Variants in ATAD3B observed in about 807,000 individuals in gnomAD.
ATAD3B encodes the protein ATPase family AAA domain-containing protein 3B.
In ATAD3B, 59 loss-of-function variants were observed where a neutral mutation model predicts 70.2. That is an observed-to-expected ratio of 0.84 (90% CI 0.68 to 1.04). The LOEUF (loss-of-function observed/expected upper bound fraction) is 1.04, where lower values mean the gene tolerates loss of function less well. Ranked by LOEUF, ATAD3B falls within the 50% of genes least tolerant of loss-of-function variation. ATAD3B has a pLI of 0.00. For synonymous variants in ATAD3B, 423 were observed against 388.6 expected, an observed-to-expected ratio of 1.09 and a Z score of -1.04; for missense variants, 961 against 913.4, an observed-to-expected ratio of 1.05 and a Z score of -0.67.
chr1:1,502,503 C>CGGCCTACACTGAT (rs1404815547), downstream of ATAD3B, among the ~76,000 whole-genome samples: 4 of 140,306 alleles, frequency 2.9e-5, no homozygotes, highest in Admixed American at 7.2e-5. Context: ...CCACCGTGCC[C>CGGCCTACACTGAT]AGCATTTTTT....
At chr1:1,506,557 G>A in the ATAD3B span, among the ~76,000 whole-genome samples, 26 of 152,042 alleles carry the variant, frequency 1.7e-4, no homozygotes, top group South Asian at 5.2e-3. Context: ...CACGGCGCCC[G>A]GCCAGTTTTC....
intron 15 of ATAD3B, among the ~76,000 whole-genome samples, chr1:1,491,320 G>C (rs538338440): frequency 1.3e-5 from 2 of 151,976 alleles, no homozygotes; most frequent in Admixed American, 6.6e-5. Context: ...CATATCACGG[G>C]GTCAGATTGA....
chr1:1,505,736 G>T, the ATAD3B span, among the ~76,000 whole-genome samples: 1 of 152,082 alleles, frequency 6.6e-6, no homozygotes, highest in Non-Finnish European at 1.5e-5. Flanking sequence ...CTCCTATCTC[G>T]GTATGGCCTG....
In ATAD3B at chr1:1,489,278, A is replaced by C; in HGVS notation, c.1337+4A>C. 2 of 1,613,454 alleles carry C rather than the reference A, an allele frequency of 1.2e-6. No homozygotes were observed. Among genetic ancestry groups the C allele is most frequent in the Non-Finnish European group, 1.7e-6 (2 of 1,179,622 alleles). On this transcript the variant is annotated splice_donor_region_variant and intron_variant, in intron 13 of 15. Transcript: ENST00000673477. ...ACATGGGCCAACACAGCAACAAGTG[A>C]GGGAGCCCCTCGGGTCCTGAGCCCC...
chr1:1,504,314 G>A, the ATAD3B span, among the ~76,000 whole-genome samples: 147 of 152,064 alleles, frequency 9.7e-4, 1 homozygote, highest in Middle Eastern at 0.014. Context: ...GTTCACAGGC[G>A]GGGTTCACAT....
chr1:1,482,839 A>G (rs1339252947), intron 7 of ATAD3B: 2 of 652,916 alleles, frequency 3.1e-6, no homozygotes, highest in East Asian at 5.8e-5. Flanking sequence ...CCCCATCTCT[A>G]CGAAGAATAA....
chr1:1,478,185 AGG>A (rs1257149026), intron 2 of ATAD3B: 5 of 298,304 alleles, frequency 1.7e-5, no homozygotes, highest in East Asian at 7.0e-5. Flanking sequence ...TTAGTAGAGA[AGG>A]GGGTTCAGCA....
Position 1,482,255 on chromosome 1 carries a change from T to A in ATAD3B, c.632T>A (p.Ile211Asn). ...AATGCAGACATCATCCGCGAGCAGA[T>A]CCGCCTGAAGGCGTCCGAGCACCGT... is the stretch of plus-strand genomic sequence containing the variant. ...RENADIIREQIRLKASEHRQT... is the reference protein window; with the variant it reads ...RENADIIREQNRLKASEHRQT... The change falls in exon 6 of 16, where the codon ATC (isoleucine) becomes AAC (asparagine). Residue 211 changes from isoleucine (I) to asparagine (N), a missense_variant. Physicochemically the swap from Ile to Asn is moderately radical, Grantham distance 149. Coordinates refer to ENST00000673477, the MANE Select transcript of ATAD3B (RefSeq NM_031921.6). 6.2e-7 allele frequency: 1 copy of A among 1,611,456 alleles called. No homozygotes were observed. The highest frequency in any genetic ancestry group is 8.5e-7 in the Non-Finnish European group (1 of 1,179,350).
rs1411573130 is a variant in ATAD3B at position 1,478,915 on chromosome 1, C to T, written c.385-134C>T. 18 of 701,262 alleles carry T rather than the reference C, an allele frequency of 2.6e-5. 1 individual carries two copies. Among genetic ancestry groups the T allele is most frequent in the Non-Finnish European group, 2.9e-5 (13 of 453,232 alleles). 43.4% of individuals were successfully genotyped at this position (701,262 alleles called of 1,614,324 possible). A position where few individuals can be genotyped will look rare whatever the true frequency, so the allele number is the denominator to read the frequency against. On this transcript the variant is annotated intron_variant, in intron 3 of 15. Transcript: ENST00000673477. ...CCTGTAAGGTCCCTCACTGCTGAGC[C>T]GGACGGGAGGTCCCCGCGCCTCCCC...
chr1:1,473,827 A>T (rs1639455233), intron 1 of ATAD3B, among the ~76,000 whole-genome samples: 1 of 152,060 alleles, frequency 6.6e-6, no homozygotes, highest in South Asian at 2.1e-4. Context: ...AAGATCATTT[A>T]GGGAATCCCT....
intron 12 of ATAD3B, among the ~76,000 whole-genome samples, chr1:1,488,350 C>T (rs1164834750): frequency 4.6e-5 from 7 of 151,988 alleles, no homozygotes; most frequent in African/African-American, 1.2e-4. Flanking sequence ...CTCAGCCTCC[C>T]GAGAAGCTGG....
At chr1:1,478,381 C>T (rs1373689706) in intron 2 of ATAD3B, 4 of 1,461,780 alleles carry the variant, frequency 2.7e-6, no homozygotes, top group South Asian at 2.8e-5. Context: ...TGCCCAGAAA[C>T]AGCCTTGTGG....
chr1:1,472,109 G>T lies in ATAD3B; in HGVS notation c.205+20G>T. 8.4e-7 allele frequency: 1 copy of T among 1,196,764 alleles called. No homozygotes were observed. Among genetic ancestry groups the T allele is most frequent in the Non-Finnish European group, 1.0e-6 (1 of 970,194 alleles). 74.1% of individuals were successfully genotyped at this position (1,196,764 alleles called of 1,614,324 possible). On this transcript the variant is annotated intron_variant, in intron 1 of 15. Coordinates refer to ENST00000673477, the MANE Select transcript of ATAD3B (RefSeq NM_031921.6). ...ACTCGCGTGAGTGCGGCGGGGCGGGGCGGGGCGGGCGGGCGGGCGGGACGG... is the reference window on the plus strand; with the variant it reads ...ACTCGCGTGAGTGCGGCGGGGCGGGTCGGGGCGGGCGGGCGGGCGGGACGG...
the ATAD3B span, chr1:1,503,706 G>A: frequency 2.4e-5 from 39 of 1,604,148 alleles, no homozygotes; most frequent in East Asian, 1.8e-4. Flanking sequence ...CGCACATGGG[G>A]TTCGGGCATG....
intron 12 of ATAD3B, among the ~76,000 whole-genome samples, chr1:1,488,473 G>A (rs896679027): frequency 1.3e-5 from 2 of 152,050 alleles, no homozygotes; most frequent in South Asian, 2.1e-4. Context: ...GAAATTCACC[G>A]GCCTTGGCCT....
chr1:1,491,221 G>GT (rs1381829156), intron 15 of ATAD3B, among the ~76,000 whole-genome samples: 4 of 152,038 alleles, frequency 2.6e-5, no homozygotes, highest in Non-Finnish European at 5.9e-5. Flanking sequence ...ACTCACTGGA[G>GT]TGTGGGCATG....
Position 1,490,346 on chromosome 1 carries a change from C to A in ATAD3B, c.1427C>A (p.Pro476Gln), listed in dbSNP as rs150159387. The A allele has an allele frequency of 6.2e-7, 1 of 1,613,290 alleles. No individual in the cohort carries two copies. Among genetic ancestry groups the A allele is most frequent in the African/African-American group, 1.3e-5 (1 of 74,932 alleles). ...RIDVMVHFDL[P>Q]QQEERERLVR... ...GACGTGATGGTCCACTTCGACCTGCCGCAGCAGGAGGAGCGGGAGCGCCTG... is the reference window on the plus strand; with the variant it reads ...GACGTGATGGTCCACTTCGACCTGCAGCAGCAGGAGGAGCGGGAGCGCCTG... Residue 476 changes from proline (P) to glutamine (Q), a missense_variant, in exon 14 of 16, where the codon CCG (proline) becomes CAG (glutamine). This residue lies in a region of ATAD3B where 417 missense variants were observed against 335.0 expected (regional missense o/e 1.24). Transcript: ENST00000673477.
rs952062211 is a variant in ATAD3B, at chr1:1,486,305, G to C, written c.1089+70G>C. The C allele has an allele frequency of 4.4e-6, 7 of 1,607,328 alleles. No individual in the cohort carries two copies. The Admixed American group carries it at 1.2e-4, about 27-fold the overall frequency. On this transcript the variant is annotated intron_variant, in intron 10 of 15. Transcript: ENST00000673477. ...CTCACCTGCCTGCAGGTGTCTGGGG[G>C]CCTCAGCCGCCTGGGGAATGGACCC...
chr1:1,489,941 C>T (rs1164713475), intron 13 of ATAD3B: 3 of 1,246,916 alleles, frequency 2.4e-6, no homozygotes, highest in Non-Finnish European at 3.1e-6. Flanking sequence ...CTGCTCCCAG[C>T]ACAGCGGGGC....
Sources: allele counts gnomAD v4.1 joint callset (sites outside exome capture counted in the v4.1 genomes callset), GRCh38; gene constraint gnomAD v4.1.1; regional missense constraint gnomAD v4.1.1; transcripts MANE v1.5; gene names NCBI Gene and HGNC (gene_info 2026-07-23, HGNC 2026-07-21).